The following RIMS2 variants were observed in gnomAD, a reference collection of about 807,000 sequenced individuals.
The protein encoded by RIMS2 is regulating synaptic membrane exocytosis protein 2.
RIMS2 carries 59 observed loss-of-function variants against 174.4 expected under a neutral mutation model. The observed-to-expected ratio is 0.34, with a 90% CI of 0.27 to 0.42. The LOEUF is 0.42. Ranked by LOEUF, RIMS2 falls within the 10% of genes least tolerant of loss-of-function variation. RIMS2 has a pLI of 1.00. For missense variants in RIMS2, 1,620 were observed against 1,666.3 expected, an observed-to-expected ratio of 0.97 and a Z score of 0.48; for synonymous variants, 606 against 572.5, an observed-to-expected ratio of 1.06 and a Z score of -0.84.
chr8:103,683,431 C>G (rs1290811677), intron 1 of RIMS2, among the ~76,000 whole-genome samples: 1 of 152,168 alleles, frequency 6.6e-6, no homozygotes. Flanking sequence ...GAGCATTAAT[C>G]TATTCATGAG....
intron 3 of RIMS2, among the ~76,000 whole-genome samples, chr8:103,864,277 T>G (rs2099074326): frequency 6.6e-6 from 1 of 152,210 alleles, no homozygotes; most frequent in South Asian, 2.1e-4. Context: ...GGTTGTTAGT[T>G]TGAGATCTTT....
intron 1 of RIMS2, among the ~76,000 whole-genome samples, chr8:103,528,946 G>A (rs1423693396): frequency 1.3e-5 from 2 of 152,202 alleles, no homozygotes; most frequent in African/African-American, 2.4e-5. Flanking sequence ...TTGGTAGCTT[G>A]ATGGGGATGG....
chr8:103,600,984 C>G (rs1478926771), intron 1 of RIMS2, among the ~76,000 whole-genome samples: 1 of 152,072 alleles, frequency 6.6e-6, no homozygotes, highest in Non-Finnish European at 1.5e-5. Context: ...TTTTTATAAG[C>G]CTGTTTGTCA....
intron 1 of RIMS2, among the ~76,000 whole-genome samples, chr8:103,636,917 C>G (rs1589475064): frequency 6.6e-6 from 1 of 151,936 alleles, no homozygotes; most frequent in Non-Finnish European, 1.5e-5. Context: ...AGTTCTCACC[C>G]AAGTTCTCAA....
intron 1 of RIMS2, among the ~76,000 whole-genome samples, chr8:103,566,635 A>C (rs2092375141): frequency 6.6e-6 from 1 of 152,188 alleles, no homozygotes; most frequent in South Asian, 2.1e-4. Flanking sequence ...TTGTATGCTA[A>C]ATTTCCTAGC....
chr8:103,840,150 A>G (rs1006771387), intron 3 of RIMS2, among the ~76,000 whole-genome samples: 4 of 152,162 alleles, frequency 2.6e-5, no homozygotes, highest in Non-Finnish European at 4.4e-5. Flanking sequence ...AGGCAAACCT[A>G]ATACTAGCTA....
intron 17 of RIMS2, among the ~76,000 whole-genome samples, chr8:104,002,021 A>T (rs1220123689): frequency 2.6e-5 from 4 of 151,640 alleles, no homozygotes; most frequent in Non-Finnish European, 4.4e-5. Flanking sequence ...TTTAGCACCC[A>T]CTCACTTCCT....
rs186510064 is a variant in RIMS2, at chr8:103,925,272, G to C, written c.2197-2570G>C. On this transcript the variant is annotated intron_variant, in intron 10 of 23. Transcript: ENST00000504942. ...ATTTACGGTTGCAGTGTTTTTCCAA[G>C]TTACTTTTAAAAATATCTTTTGACT... is the stretch of plus-strand genomic sequence containing the variant. Among the ~76,000 whole-genome samples the C allele has an allele frequency of 1.1e-3, 167 of 151,514 alleles. 1 individual carries two copies. Among genetic ancestry groups the C allele is most frequent in the Non-Finnish European group, 2.1e-3 (140 of 67,524 alleles).
intron 1 of RIMS2, among the ~76,000 whole-genome samples, chr8:103,543,910 G>T (rs1161929245): frequency 3.9e-5 from 6 of 152,216 alleles, no homozygotes; most frequent in Admixed American, 3.9e-4. Flanking sequence ...CAGAAAAGCT[G>T]CATGACATTG....
chr8:104,020,639 A>T (rs2096063726), intron 19 of RIMS2, among the ~76,000 whole-genome samples: 1 of 152,064 alleles, frequency 6.6e-6, no homozygotes. Context: ...TGGTCATGTT[A>T]TACATTTACA....
intron 19 of RIMS2, among the ~76,000 whole-genome samples, chr8:104,206,512 T>C (rs188071349): frequency 2.0e-5 from 3 of 152,226 alleles, no homozygotes; most frequent in African/African-American, 7.2e-5. Flanking sequence ...TAAAATATAA[T>C]GATGATAATA....
At chr8:103,813,713 C>T (rs998545832) in intron 3 of RIMS2, among the ~76,000 whole-genome samples, 8 of 152,146 alleles carry the variant, frequency 5.3e-5, no homozygotes, top group African/African-American at 1.9e-4. Flanking sequence ...TCATCCATGT[C>T]CCTACAAAGG....
chr8:103,602,806 T>G (rs2094825721), intron 1 of RIMS2, among the ~76,000 whole-genome samples: 2 of 152,158 alleles, frequency 1.3e-5, no homozygotes, highest in Admixed American at 6.5e-5. Flanking sequence ...TTATATTAAT[T>G]CTTTTGGGCA....
intron 7 of RIMS2, among the ~76,000 whole-genome samples, chr8:103,916,208 C>T (rs950900147): frequency 1.3e-5 from 2 of 151,906 alleles, no homozygotes; most frequent in Non-Finnish European, 2.9e-5. Flanking sequence ...TAATTTTTTC[C>T]TCCGATCATT....
At chr8:103,572,637 C>A (rs1029954703) in intron 1 of RIMS2, among the ~76,000 whole-genome samples, 2 of 151,558 alleles carry the variant, frequency 1.3e-5, no homozygotes, top group African/African-American at 4.9e-5. Context: ...GTTTTATTTG[C>A]GTTTCTCCAA....
intron 17 of RIMS2, among the ~76,000 whole-genome samples, chr8:103,990,364 A>C (rs1466959154): frequency 6.6e-6 from 1 of 152,108 alleles, no homozygotes; most frequent in Non-Finnish European, 1.5e-5. Context: ...CATAGTCTTC[A>C]ATAGTGTCTA....
chr8:104,135,161 A>G (rs1333131791), intron 19 of RIMS2, among the ~76,000 whole-genome samples: 1 of 152,200 alleles, frequency 6.6e-6, no homozygotes, highest in Non-Finnish European at 1.5e-5. Flanking sequence ...AGGAAAGCAG[A>G]AGGTGAGAGA....
intron 3 of RIMS2, among the ~76,000 whole-genome samples, chr8:103,856,664 G>A (rs530441702): frequency 3.3e-5 from 5 of 152,276 alleles, no homozygotes; most frequent in African/African-American, 1.2e-4. Context: ...AACAACCAAA[G>A]CACTGATTCT....
intron 1 of RIMS2, among the ~76,000 whole-genome samples, chr8:103,563,732 C>T (rs1488684303): frequency 1.3e-5 from 2 of 152,168 alleles, no homozygotes; most frequent in South Asian, 2.1e-4. Flanking sequence ...GTATTAAAGA[C>T]ATACCCAAGA....
Sources: allele counts gnomAD v4.1 joint callset (sites outside exome capture counted in the v4.1 genomes callset), GRCh38; gene constraint gnomAD v4.1.1; transcripts MANE v1.5; gene names NCBI Gene and HGNC (gene_info 2026-07-23, HGNC 2026-07-21).